Variants in MAPK4 observed in about 807,000 individuals in gnomAD.
MAPK4 encodes mitogen-activated protein kinase 4, also known as Erk3-related.
In MAPK4, 22 loss-of-function variants were observed where a neutral mutation model predicts 47.7. The ratio of observed to expected loss-of-function variants is 0.46; its 90% CI spans 0.33 to 0.66. The LOEUF is 0.66. Among genes scored for constraint, MAPK4 ranks in the 30% least tolerant of loss-of-function variants. The probability of loss-of-function intolerance (pLI) is 0.02; values close to 1 mark genes in which losing one functional copy is unlikely to be tolerated. For synonymous variants in MAPK4, 390 were observed against 365.7 expected, an observed-to-expected ratio of 1.07 and a Z score of -0.76; for missense variants, 736 against 831.7, an observed-to-expected ratio of 0.88 and a Z score of 1.42.
Position 50,603,634 on chromosome 18 carries a change from C to G in MAPK4, c.-871+43391C>G, listed in dbSNP as rs72917680. Among the ~76,000 whole-genome samples, 726 of 152,314 alleles carry G rather than the reference C, an allele frequency of 4.8e-3. 3 individuals are homozygous for G. The highest frequency in any genetic ancestry group is 7.7e-3 in the Non-Finnish European group (527 of 68,030). ...CAGAATGGGAATAAAGCAGTATCTCCTCATGGGCCTGTATGTACAAACTAG... is the reference window on the plus strand; with the variant it reads ...CAGAATGGGAATAAAGCAGTATCTCGTCATGGGCCTGTATGTACAAACTAG... On this transcript the variant is annotated intron_variant, in intron 1 of 5. Transcript: ENST00000400384.
At chr18:50,712,543 A>AT (rs1414010193) in intron 2 of MAPK4, among the ~76,000 whole-genome samples, 2 of 30,464 alleles carry the variant, frequency 6.6e-5, no homozygotes, top group Non-Finnish European at 1.7e-4. Flanking sequence ...CTTGTTTTTC[A>AT]TTAAAAAAAA....
intron 1 of MAPK4, among the ~76,000 whole-genome samples, chr18:50,608,456 G>A (rs1269371283): frequency 2.0e-5 from 3 of 152,168 alleles, no homozygotes; most frequent in Admixed American, 2.0e-4. Flanking sequence ...CTCAGTGTGG[G>A]ATACCTTGAA....
intron 1 of MAPK4, among the ~76,000 whole-genome samples, chr18:50,578,809 C>T (rs1390514763): frequency 4.6e-5 from 7 of 152,110 alleles, no homozygotes; most frequent in African/African-American, 1.7e-4. Flanking sequence ...AGAGGGAGCA[C>T]CTGGGGCTTT....
intron 2 of MAPK4, among the ~76,000 whole-genome samples, chr18:50,687,573 C>T (rs1480634276): frequency 6.6e-6 from 1 of 152,248 alleles, no homozygotes; most frequent in Non-Finnish European, 1.5e-5. Flanking sequence ...AGGCCTGCCT[C>T]GCTCTTTCCC....
intron 1 of MAPK4, among the ~76,000 whole-genome samples, chr18:50,618,483 A>T (rs2042703953): frequency 6.6e-6 from 1 of 152,200 alleles, no homozygotes; most frequent in Non-Finnish European, 1.5e-5. Flanking sequence ...CAGCTTTTAA[A>T]AAACAGTTCC....
At chr18:50,590,265 A>C (rs1414329009) in intron 1 of MAPK4, among the ~76,000 whole-genome samples, 1 of 152,228 alleles carries the variant, frequency 6.6e-6, no homozygotes, top group Non-Finnish European at 1.5e-5. Flanking sequence ...GCAGAGATAC[A>C]CATATTTTTT....
intron 2 of MAPK4, among the ~76,000 whole-genome samples, chr18:50,666,841 G>A (rs1253898842): frequency 6.6e-6 from 1 of 150,950 alleles, no homozygotes; most frequent in African/African-American, 2.4e-5. Context: ...TCTTCCCACA[G>A]TGATGATGAA....
rs140996252 is a variant in MAPK4, at chr18:50,607,569, G to A, written c.-871+47326G>A. Among the ~76,000 whole-genome samples, 16 of 152,344 alleles carry A rather than the reference G, an allele frequency of 1.1e-4. 1 individual carries two copies. In the East Asian group the frequency reaches 2.7e-3, roughly 26 times the overall value. On this transcript the variant is annotated intron_variant, in intron 1 of 5. Coordinates refer to ENST00000400384, the MANE Select transcript of MAPK4 (RefSeq NM_002747.4). ...CTCCAGAAAAGCGCTGCTCTGAGCA[G>A]TGGAGGTGAGAGGAAATAGCCTGGA...
chr18:50,583,225 G>A lies in MAPK4; in HGVS notation c.-871+22982G>A, dbSNP rs146438132. Among the ~76,000 whole-genome samples the A allele has an allele frequency of 2.5e-3, 375 of 152,280 alleles. 3 individuals are homozygous for A. Among genetic ancestry groups the A allele is most frequent in the South Asian group, 0.023 (113 of 4,818 alleles). ...TTTTATGGGCCTAGAATGAGAGAAT[G>A]TGTGTTTATTGGTCCATGGGTGGTC... On this transcript the variant is annotated intron_variant, in intron 1 of 5. Transcript: ENST00000400384.
chr18:50,587,273 A>G (rs1247886792), intron 1 of MAPK4, among the ~76,000 whole-genome samples: 1 of 152,222 alleles, frequency 6.6e-6, no homozygotes, highest in Non-Finnish European at 1.5e-5. Context: ...GGCCCAAGGT[A>G]GCTTGTTTGC....
Position 50,620,433 on chromosome 18 carries a change from G to A in MAPK4, c.-870-42656G>A, listed in dbSNP as rs149831698. Among the ~76,000 whole-genome samples the A allele has an allele frequency of 2.9e-3, 444 of 152,222 alleles. 5 individuals are homozygous for A. The highest frequency in any genetic ancestry group is 9.9e-3 in the African/African-American group (410 of 41,534). ...AGTTCTCCTCATTAGAAATTCTGAC[G>A]CAGAATCTGCCTGTTTAATGTGTAT... On this transcript the variant is annotated intron_variant, in intron 1 of 5. Coordinates refer to ENST00000400384, the MANE Select transcript of MAPK4 (RefSeq NM_002747.4).
At chr18:50,565,446 A>G (rs960532948) in intron 1 of MAPK4, among the ~76,000 whole-genome samples, 2 of 152,200 alleles carry the variant, frequency 1.3e-5, no homozygotes, top group African/African-American at 2.4e-5. Flanking sequence ...CTCTAATGGT[A>G]TTTGAAGAGT....
intron 2 of MAPK4, among the ~76,000 whole-genome samples, chr18:50,701,607 C>T (rs1399775627): frequency 3.9e-5 from 6 of 152,124 alleles, no homozygotes; most frequent in Non-Finnish European, 8.8e-5. Context: ...CTAAGGCCCA[C>T]GGAATCAACT....
At chr18:50,627,293 G>A (rs1001912463) in intron 1 of MAPK4, among the ~76,000 whole-genome samples, 9 of 152,180 alleles carry the variant, frequency 5.9e-5, no homozygotes, top group African/African-American at 9.6e-5. Flanking sequence ...GAAGGATTCC[G>A]AAGGAAGGAT....
chr18:50,729,758 G>A lies in MAPK4; in HGVS notation c.1668G>A (p.Leu556=), dbSNP rs374912748. 1.5e-5 allele frequency: 24 copies of A among 1,610,204 alleles called. No individual in the cohort carries two copies. The highest frequency in any genetic ancestry group is 1.8e-5 in the Non-Finnish European group (21 of 1,179,116). Residue 556 remains leucine (L), a synonymous_variant, in exon 6 of 6, where the codon CTG becomes CTA. Coordinates refer to ENST00000400384, the MANE Select transcript of MAPK4 (RefSeq NM_002747.4). ...ALKLCTKPED[L]PDNKLGDLNG... ...AGCTCTGCACCAAGCCCGAGGACCT[G>A]CCGGACAATAAACTGGGCGACCTCA...
intron 1 of MAPK4, among the ~76,000 whole-genome samples, chr18:50,563,654 C>T (rs1317730677): frequency 2.6e-5 from 4 of 152,042 alleles, no homozygotes; most frequent in African/African-American, 4.8e-5. Flanking sequence ...TTTTTTTTCT[C>T]TCTGCATCCC....
chr18:50,630,142 G>A (rs1403489068), intron 1 of MAPK4, among the ~76,000 whole-genome samples: 1 of 152,136 alleles, frequency 6.6e-6, no homozygotes, highest in Non-Finnish European at 1.5e-5. Context: ...AGTTCCCTTT[G>A]GATAGATACT....
intron 2 of MAPK4, among the ~76,000 whole-genome samples, chr18:50,682,040 A>G (rs1445750744): frequency 6.6e-6 from 1 of 152,186 alleles, no homozygotes; most frequent in East Asian, 1.9e-4. Context: ...AGAGACAGAA[A>G]ATAGATTAGT....
At chr18:50,660,379 G>A (rs1258811168) in intron 1 of MAPK4, among the ~76,000 whole-genome samples, 3 of 152,108 alleles carry the variant, frequency 2.0e-5, no homozygotes, top group Non-Finnish European at 4.4e-5. Flanking sequence ...TGTGAGATGC[G>A]CCCTTTGAAC....
Sources: allele counts gnomAD v4.1 joint callset (sites outside exome capture counted in the v4.1 genomes callset), GRCh38; gene constraint gnomAD v4.1.1; transcripts MANE v1.5; gene names NCBI Gene and HGNC (gene_info 2026-07-23, HGNC 2026-07-21).